The following SLC13A3 variants were observed in gnomAD, a reference collection of about 807,000 sequenced individuals.
The protein encoded by SLC13A3 is Na(+)/dicarboxylate cotransporter 3.
A neutral mutation model predicts 59.0 loss-of-function variants in SLC13A3; 40 were observed. The observed-to-expected ratio is 0.68, with a 90% CI of 0.53 to 0.88. The LOEUF (loss-of-function observed/expected upper bound fraction) is 0.88. SLC13A3 is among the 40% of genes least tolerant of loss of function. SLC13A3 has a pLI of 0.00. For synonymous variants in SLC13A3, 317 were observed against 330.3 expected (o/e 0.96, Z 0.44); for missense variants, 699 against 783.2 (o/e 0.89, Z 1.28).
chr20:46,667,828 A>G (rs2063069749), intron 1 of SLC13A3, among the ~76,000 whole-genome samples: 1 of 152,244 alleles, frequency 6.6e-6, no homozygotes, highest in African/African-American at 2.4e-5. Context: ...TTTTTCCAAC[A>G]GCATGTGCTC....
chr20:46,583,862 G>A (rs576541419), intron 8 of SLC13A3, 193 bp from the exon 9 acceptor site: 2 of 985,354 alleles, frequency 2.0e-6, no homozygotes, highest in Admixed American at 6.1e-5. Flanking sequence ...CAGCTCCCTG[G>A]GGGCATTTAG....
intron 1 of SLC13A3, among the ~76,000 whole-genome samples, chr20:46,634,009 C>A (rs1399156531): frequency 6.6e-6 from 1 of 152,206 alleles, no homozygotes; most frequent in Non-Finnish European, 1.5e-5. Flanking sequence ...TAGCCCAGGG[C>A]CCTAGTCCTG....
chr20:46,583,923 C>T (rs1316363439), intron 8 of SLC13A3: 13 of 985,174 alleles, frequency 1.3e-5, no homozygotes, highest in African/African-American at 7.0e-5. Flanking sequence ...AAGGACCCTA[C>T]GAAGAGGGAC....
At chr20:46,585,247 T>C (rs1260580644) in intron 8 of SLC13A3, 3 of 971,836 alleles carry the variant, frequency 3.1e-6, no homozygotes, top group Admixed American at 6.1e-5. Context: ...TATGTGTGTA[T>C]GTATGAAGAT....
intron 10 of SLC13A3, among the ~76,000 whole-genome samples, chr20:46,571,352 A>G (rs2062026973): frequency 6.6e-6 from 1 of 152,180 alleles, no homozygotes; most frequent in African/African-American, 2.4e-5. Context: ...ACCGCAACAT[A>G]TTTGTAAGTA....
chr20:46,588,030 C>T (rs1401074231), intron 8 of SLC13A3, 29 bp downstream of exon 8: 7 of 1,400,508 alleles, frequency 5.0e-6, no homozygotes, highest in Admixed American at 1.9e-5. Flanking sequence ...CCCTGTTGGA[C>T]TCCTCCCTGT....
chr20:46,652,547 A>ATTTTTTTTTTTTTTTTT (rs11471373), upstream of SLC13A3, among the ~76,000 whole-genome samples: 6 of 117,794 alleles, frequency 5.1e-5, no homozygotes, highest in African/African-American at 1.8e-4. Flanking sequence ...TATCTGGCTA[A>ATTTTTTTTTTTTTTTTT]TTTTTTTTTT....
At chr20:46,664,104 T>C (rs189174040) in intron 1 of SLC13A3, among the ~76,000 whole-genome samples, 2 of 152,294 alleles carry the variant, frequency 1.3e-5, no homozygotes, top group African/African-American at 4.8e-5. Context: ...GCATTAAAAG[T>C]GCTGATGCTC....
upstream of SLC13A3, among the ~76,000 whole-genome samples, chr20:46,652,959 A>T (rs1045426539): frequency 6.6e-6 from 1 of 152,238 alleles, no homozygotes; most frequent in Admixed American, 6.5e-5. Flanking sequence ...ACAGGGACAT[A>T]GTAATAGCTC....
At chr20:46,575,802 T>A (rs1246288502) in intron 9 of SLC13A3, 117 bp from the exon 10 acceptor site, 1 of 528,722 alleles carries the variant, frequency 1.9e-6, no homozygotes, top group African/African-American at 2.0e-5. Context: ...AGCCAAAGTG[T>A]GGATCCAGCA....
chr20:46,636,440 C>T (rs2062796181), intron 1 of SLC13A3, among the ~76,000 whole-genome samples: 1 of 152,196 alleles, frequency 6.6e-6, no homozygotes, highest in Non-Finnish European at 1.5e-5. Context: ...TAGCACCTGG[C>T]ACACAGGGAA....
intron 1 of SLC13A3, among the ~76,000 whole-genome samples, chr20:46,640,106 G>C (rs2062832668): frequency 6.6e-6 from 1 of 152,214 alleles, no homozygotes; most frequent in Non-Finnish European, 1.5e-5. Flanking sequence ...AGATGCTAGA[G>C]GTGCTGGCTG....
upstream of SLC13A3, among the ~76,000 whole-genome samples, chr20:46,652,679 G>A (rs970162864): frequency 4.6e-5 from 7 of 151,654 alleles, no homozygotes; most frequent in South Asian, 2.1e-4. Context: ...ACAGGTGTGC[G>A]TCACCACGCC....
chr20:46,681,375 C>T (rs1395212746), intron 1 of SLC13A3, among the ~76,000 whole-genome samples: 2 of 150,660 alleles, frequency 1.3e-5, no homozygotes. Flanking sequence ...GAGAGAGGGG[C>T]ATGGACTTGG....
upstream of SLC13A3, among the ~76,000 whole-genome samples, chr20:46,652,764 A>G (rs1428406907): frequency 6.6e-6 from 1 of 151,998 alleles, no homozygotes; most frequent in Non-Finnish European, 1.5e-5. Context: ...AGGTAACCAT[A>G]CAGGAGTGCA....
upstream of SLC13A3, among the ~76,000 whole-genome samples, chr20:46,675,019 T>G (rs2063116205): frequency 6.6e-6 from 1 of 152,136 alleles, no homozygotes; most frequent in Non-Finnish European, 1.5e-5. Flanking sequence ...GGCAGCCATG[T>G]GGCGATCAGT....
In SLC13A3 at chr20:46,610,428, C is replaced by A. The variant is rs199916556; in HGVS notation, c.541+18G>T. On this transcript the variant is annotated intron_variant, in intron 3 of 12. Coordinates refer to ENST00000279027, the MANE Select transcript of SLC13A3 (RefSeq NM_022829.6). ...AAATCCTGGTGGATTTGGCCCCAAT[C>A]CCTTAGCACAGCCTCACCTGTGTTC... 121 of 1,601,498 alleles carry A rather than the reference C, an allele frequency of 7.6e-5. No homozygotes were observed. The highest frequency in any genetic ancestry group is 9.9e-5 in the Non-Finnish European group (116 of 1,174,518).
At chr20:46,603,273 C>A (rs1007370058) in intron 3 of SLC13A3, among the ~76,000 whole-genome samples, 1 of 152,098 alleles carries the variant, frequency 6.6e-6, no homozygotes, top group Non-Finnish European at 1.5e-5. Context: ...TTTGGGGGGC[C>A]ATGAGGTCTC....
At position 46,583,581 on chromosome 20, in the gene SLC13A3, C is replaced by T; in HGVS notation, c.1210G>A (p.Asp404Asn). 1.2e-6 allele frequency: 2 copies of T among 1,613,710 alleles called. No individual in the cohort carries two copies. The highest frequency in any genetic ancestry group is 1.7e-5 in the Admixed American group (1 of 59,952). Residue 404 changes from aspartate to asparagine, a missense_variant, in exon 9 of 13, where the codon GAC becomes AAC. Transcript: ENST00000279027. ...SQRPSLKWWF[D>N]FKAPNTETEP... ...GCCTTGACCACCTTACCTTTGAAGT[C>T]AAACCACCACTTGAGAGAGGGCCTT...
Sources: allele counts gnomAD v4.1 joint callset (sites outside exome capture counted in the v4.1 genomes callset), GRCh38; gene constraint gnomAD v4.1.1; transcripts MANE v1.5; gene names NCBI Gene and HGNC (gene_info 2026-07-23, HGNC 2026-07-21).